LINGO2: variants seen among roughly 807,000 people sequenced by gnomAD.
The protein encoded by LINGO2 is leucine-rich repeat and immunoglobulin-like domain-containing nogo receptor-interacting protein 2.
Under a neutral mutation model 30.6 loss-of-function variants are expected in LINGO2, and 14 were observed. The ratio of observed to expected loss-of-function variants is 0.46; its 90% CI spans 0.30 to 0.72. The LOEUF (loss-of-function observed/expected upper bound fraction) is 0.72. Among genes scored for constraint, LINGO2 ranks in the 30% least tolerant of loss-of-function variants. The probability of loss-of-function intolerance (pLI) is 0.07; values close to 1 mark genes in which losing one functional copy is unlikely to be tolerated. For synonymous variants in LINGO2, 317 were observed against 288.5 expected, an observed-to-expected ratio of 1.10 and a Z score of -1.00; for missense variants, 729 against 751.7, an observed-to-expected ratio of 0.97 and a Z score of 0.35.
At chr9:28,572,256 T>A (rs1360521241) in intron 1 of LINGO2, among the ~76,000 whole-genome samples, 1 of 152,106 alleles carries the variant, frequency 6.6e-6, no homozygotes, top group Non-Finnish European at 1.5e-5. Context: ...CTTAACACTA[T>A]CCTTGGATTA....
At chr9:28,279,102 G>A (rs899811910) in intron 4 of LINGO2, among the ~76,000 whole-genome samples, 1 of 152,180 alleles carries the variant, frequency 6.6e-6, no homozygotes, top group Non-Finnish European at 1.5e-5. Context: ...AGATCCTGAA[G>A]ATGTGACTAA....
At chr9:29,097,038 A>G in the LINGO2 span, among the ~76,000 whole-genome samples, 9 of 139,498 alleles carry the variant, frequency 6.5e-5, 1 homozygote, top group Non-Finnish European at 9.4e-5. Context: ...TAATTCTGCA[A>G]ATTCCCAAGA....
intron 3 of LINGO2, among the ~76,000 whole-genome samples, chr9:28,312,657 G>T (rs1215718326): frequency 6.6e-6 from 1 of 152,040 alleles, no homozygotes; most frequent in African/African-American, 2.4e-5. Context: ...TAATAAAAAT[G>T]TATTTCTACC....
At chr9:28,064,031 C>A (rs1006033701) in intron 4 of LINGO2, among the ~76,000 whole-genome samples, 1 of 151,882 alleles carries the variant, frequency 6.6e-6, no homozygotes, top group Non-Finnish European at 1.5e-5. Context: ...TAGCATAAGA[C>A]CAAAAACAAT....
intron 1 of LINGO2, among the ~76,000 whole-genome samples, chr9:28,560,621 GTCTT>G (rs1191960866): frequency 6.6e-6 from 1 of 151,868 alleles, no homozygotes; most frequent in Admixed American, 6.6e-5. Flanking sequence ...ATATATTTGA[GTCTT>G]TATGCCACAC....
At chr9:28,056,335 AGTTTGC>A (rs1419835137) in intron 4 of LINGO2, among the ~76,000 whole-genome samples, 1 of 152,162 alleles carries the variant, frequency 6.6e-6, no homozygotes, top group African/African-American at 2.4e-5. Flanking sequence ...TATGAGAAAC[AGTTTGC>A]TGTTTACTCG....
chr9:28,161,775 C>G (rs1828294240), intron 4 of LINGO2, among the ~76,000 whole-genome samples: 1 of 151,910 alleles, frequency 6.6e-6, no homozygotes, highest in African/African-American at 2.4e-5. Flanking sequence ...AATCATACTT[C>G]AGAAATTTTG....
chr9:28,910,757 T>G, the LINGO2 span, among the ~76,000 whole-genome samples: 1 of 151,752 alleles, frequency 6.6e-6, no homozygotes, highest in African/African-American at 2.4e-5. Context: ...CCAATTAAAG[T>G]TTTTTTTCTT....
At chr9:29,150,079 C>G in the LINGO2 span, among the ~76,000 whole-genome samples, 1 of 152,144 alleles carries the variant, frequency 6.6e-6, no homozygotes. Flanking sequence ...TACAAAAGAC[C>G]CATGTTGCTG....
At chr9:28,724,395 C>T in the LINGO2 span, among the ~76,000 whole-genome samples, 1 of 152,158 alleles carries the variant, frequency 6.6e-6, no homozygotes, top group Admixed American at 6.6e-5. Context: ...CCCAGAGAAG[C>T]TCTCCATAGG....
chr9:28,436,022 A>G (rs1043897260), intron 2 of LINGO2, among the ~76,000 whole-genome samples: 4 of 152,154 alleles, frequency 2.6e-5, no homozygotes, highest in African/African-American at 9.7e-5. Context: ...CGCAATAGAA[A>G]GCAGTTACCA....
At position 28,175,785 on chromosome 9, in the gene LINGO2, A is replaced by G. The variant is rs117184023; in HGVS notation, c.-87+119423T>C. Reference sequence around the variant, plus strand: ...TTCAAGTCCTGTTCACTCTTATTACAATGTTAATTCTAGAATCTCTCCAGC... The same window carrying G: ...TTCAAGTCCTGTTCACTCTTATTACGATGTTAATTCTAGAATCTCTCCAGC... On this transcript the variant is annotated intron_variant, in intron 4 of 5. Transcript: ENST00000379992. Among the ~76,000 whole-genome samples, 408 of 152,266 alleles carry G rather than the reference A, an allele frequency of 2.7e-3. 8 individuals are homozygous for G. In the South Asian group the frequency reaches 0.045, roughly 17 times the overall value.
the LINGO2 span, among the ~76,000 whole-genome samples, chr9:29,139,840 T>C: frequency 6.6e-6 from 1 of 151,882 alleles, no homozygotes; most frequent in Admixed American, 6.6e-5. Flanking sequence ...ATAGTTTCTG[T>C]CTTGCCTGTG....
the LINGO2 span, among the ~76,000 whole-genome samples, chr9:29,073,855 A>G: frequency 6.6e-6 from 1 of 152,192 alleles, no homozygotes; most frequent in Non-Finnish European, 1.5e-5. Context: ...GACAAGTTGG[A>G]TATCGCAGTG....
chr9:28,794,634 C>T, the LINGO2 span, among the ~76,000 whole-genome samples: 51 of 152,160 alleles, frequency 3.4e-4, no homozygotes, highest in African/African-American at 1.2e-3. Flanking sequence ...GTCATGTGTT[C>T]TACGTGTTTT....
rs146603228 is a variant in LINGO2 at position 28,301,324 on chromosome 9, G to A, written c.-245-5958C>T. ...CCACTGCTCTCTAGATATAGTATAGGTCCCATTTCCACTGCCTTTGGCAAA... is the reference window on the plus strand; with the variant it reads ...CCACTGCTCTCTAGATATAGTATAGATCCCATTTCCACTGCCTTTGGCAAA... On this transcript the variant is annotated intron_variant, in intron 3 of 5. Transcript: ENST00000379992. 3.8e-3 allele frequency among the ~76,000 whole-genome samples: 574 copies of A among 151,488 alleles called. 4 individuals are homozygous for A. Among genetic ancestry groups the A allele is most frequent in the African/African-American group, 0.013 (549 of 41,240 alleles).
the LINGO2 span, among the ~76,000 whole-genome samples, chr9:29,014,249 G>A: frequency 6.6e-6 from 1 of 152,152 alleles, no homozygotes; most frequent in East Asian, 1.9e-4. Flanking sequence ...AATTCAAATT[G>A]GATGCATAAG....
At chr9:28,596,571 A>G (rs1246889579) in intron 1 of LINGO2, among the ~76,000 whole-genome samples, 8 of 152,072 alleles carry the variant, frequency 5.3e-5, no homozygotes, top group Non-Finnish European at 1.2e-4. Context: ...ATTGTTTTAA[A>G]TTTTCTCTGT....
the LINGO2 span, among the ~76,000 whole-genome samples, chr9:28,929,060 G>A: frequency 2.6e-5 from 4 of 152,350 alleles, no homozygotes; most frequent in African/African-American, 9.6e-5. Context: ...AACAAAAGCA[G>A]AGGGGAAATA....
Sources: gnomAD v4.1 joint callset for allele counts (sites outside exome capture counted in the v4.1 genomes callset) on GRCh38, gnomAD v4.1.1 for gene constraint, MANE v1.5 for transcripts, NCBI Gene and HGNC (gene_info 2026-07-23, HGNC 2026-07-21) for gene names.